UTP20: variants seen among roughly 807,000 people sequenced by gnomAD.
UTP20 encodes the protein small subunit processome component 20 homolog.
UTP20 carries 164 observed loss-of-function variants against 329.5 expected under a neutral mutation model. That is an observed-to-expected ratio of 0.50 (90% CI 0.44 to 0.57). UTP20 has a LOEUF of 0.57. Among genes scored for constraint, UTP20 ranks in the 20% least tolerant of loss-of-function variants. UTP20 has a pLI of 0.00. For synonymous variants in UTP20, 1,151 were observed against 1,159.3 expected, an observed-to-expected ratio of 0.99 and a Z score of 0.14; for missense variants, 3,055 against 3,284.2, an observed-to-expected ratio of 0.93 and a Z score of 1.71.
At chr12:101,337,262 T>TGTCAGTTTGTCAATGCTAAGTCTGTCAG in intron 29 of UTP20, among the ~76,000 whole-genome samples, 1 of 152,254 alleles carries the variant, frequency 6.6e-6, no homozygotes, top group African/African-American at 2.4e-5. Context: ...CTTAGAACTT[T>TGTCAGTTTGTCAATGCTAAGTCTGTCAG]TCTGTCAGTT....
At chr12:101,285,481 C>T in intron 2 of UTP20, 89 bp from the exon 3 acceptor site, 2 of 1,381,258 alleles carry the variant, frequency 1.4e-6, no homozygotes, top group Non-Finnish European at 2.0e-6. Flanking sequence ...GTATCATTGT[C>T]TTAAGATATT....
chr12:101,349,445 C>G (rs1869445400), intron 38 of UTP20, among the ~76,000 whole-genome samples: 1 of 149,332 alleles, frequency 6.7e-6, no homozygotes, highest in African/African-American at 2.5e-5. Context: ...CAGAATTTCA[C>G]TCTGTCACCC....
rs767187398 is a variant in UTP20 at position 101,381,251 on chromosome 12, G to C, written c.7656+40G>C. 4 of 1,559,990 alleles carry C rather than the reference G, an allele frequency of 2.6e-6. No individual in the cohort carries two copies. In the African/African-American group the frequency reaches 5.4e-5, roughly 21 times the overall value. On this transcript the variant is annotated intron_variant, in intron 58 of 61. Coordinates refer to ENST00000261637, the MANE Select transcript of UTP20 (RefSeq NM_014503.3). Reference sequence around the variant, plus strand: ...TCTCCCAGTTTAAAAGAAGGGGCCGGCTGGGCATGGTGGCTCGCGCCTGTA... The same window carrying C: ...TCTCCCAGTTTAAAAGAAGGGGCCGCCTGGGCATGGTGGCTCGCGCCTGTA...
At position 101,349,418 on chromosome 12, in the gene UTP20, C is replaced by CT. The variant is rs775265689; in HGVS notation, c.4885-2625dup. On this transcript the variant is annotated intron_variant, in intron 38 of 61. Transcript: ENST00000261637. ...TTGAAAATTTTCTTTTTTTTTCTTT[C>CT]TTTTTTTTTTTTGAGACAGAATTTC... is the stretch of plus-strand genomic sequence containing the variant. Among the ~76,000 whole-genome samples the CT allele has an allele frequency of 1.2e-3, 168 of 138,630 alleles. 1 individual carries two copies. Among genetic ancestry groups the CT allele is most frequent in the Middle Eastern group, 3.6e-3 (1 of 274 alleles). 90.9% of individuals were successfully genotyped at this position (138,630 alleles called of 152,430 possible).
At chr12:101,370,004 A>G in intron 49 of UTP20, 113 bp downstream of exon 49, 1 of 1,050,544 alleles carries the variant, frequency 9.5e-7, no homozygotes, top group Non-Finnish European at 1.4e-6. Flanking sequence ...ACTTGAGCCT[A>G]AGAGTTCAAG....
At chr12:101,315,735 T>A (rs548918644) in intron 21 of UTP20, among the ~76,000 whole-genome samples, 1 of 152,242 alleles carries the variant, frequency 6.6e-6, no homozygotes, top group Non-Finnish European at 1.5e-5. Flanking sequence ...ATAACACTTA[T>A]CAGTTTTTTG....
In UTP20 at chr12:101,357,097, G is replaced by C. The variant is rs1412982721; in HGVS notation, c.5691+15G>C. The C allele has an allele frequency of 1.9e-6, 3 of 1,597,354 alleles. No individual in the cohort carries two copies. Among genetic ancestry groups the C allele is most frequent in the East Asian group, 4.5e-5 (2 of 44,560 alleles). On this transcript the variant is annotated intron_variant, in intron 43 of 61. Transcript: ENST00000261637. ...GTGGATACCAGGTAAATTGCATCTT[G>C]TGCTTTATATTCAAGTTGTATTGGA... is the stretch of plus-strand genomic sequence containing the variant.
At chr12:101,371,259 C>T (rs2121030211) in intron 51 of UTP20, 91 bp downstream of exon 51, 2 of 909,736 alleles carry the variant, frequency 2.2e-6, no homozygotes, top group Non-Finnish European at 3.3e-6. Flanking sequence ...TTCTGAAGAC[C>T]ACCTTGTGTC....
intron 38 of UTP20, among the ~76,000 whole-genome samples, chr12:101,350,394 T>G (rs747520400): frequency 3.9e-5 from 6 of 152,116 alleles, no homozygotes; most frequent in Non-Finnish European, 5.9e-5. Context: ...TAGTCTCAAG[T>G]GATCCTCCCA....
At chr12:101,370,907 TG>T in intron 50 of UTP20, 150 bp from the exon 51 acceptor site, 1 of 658,576 alleles carries the variant, frequency 1.5e-6, no homozygotes, top group Non-Finnish European at 2.5e-6. Flanking sequence ...AAGGGTTGTG[TG>T]TTCTTTGTGC....
intron 2 of UTP20, among the ~76,000 whole-genome samples, chr12:101,284,859 T>C (rs1871909612): frequency 6.6e-6 from 1 of 152,164 alleles, no homozygotes; most frequent in Non-Finnish European, 1.5e-5. Flanking sequence ...TACAAACATT[T>C]ATAGAGGGTT....
At position 101,375,627 on chromosome 12, in the gene UTP20, A is replaced by C. The variant is rs545303599; in HGVS notation, c.7267A>C (p.Met2423Leu). Reference protein sequence around the residue: ...EIDPENFKDIMEETEEKAADR... With the variant: ...EIDPENFKDILEETEEKAADR... ...TTTACATCCGTCTTGTTTTTAGATCATGGAAGAAACTGAAGAAAAAGCTGC... is the reference window on the plus strand; with the variant it reads ...TTTACATCCGTCTTGTTTTTAGATCCTGGAAGAAACTGAAGAAAAAGCTGC... The change falls in exon 56 of 62, where the codon ATG (methionine) becomes CTG (leucine). Residue 2423 changes from methionine (M) to leucine (L), a missense_variant. Physicochemically the swap from Met to Leu is conservative, Grantham distance 15. Around this residue, in one of 3 missense-constraint regions of UTP20, gnomAD observed 273 missense variants for 363.1 expected, o/e 0.75. Transcript: ENST00000261637. 3.7e-6 allele frequency: 6 copies of C among 1,610,198 alleles called. No homozygotes were observed. In the South Asian group the frequency reaches 6.7e-5, roughly 18 times the overall value.
intron 55 of UTP20, 81 bp downstream of exon 55, chr12:101,375,020 C>T: frequency 1.1e-6 from 1 of 948,748 alleles, no homozygotes; most frequent in South Asian, 1.6e-5. Flanking sequence ...TAGATATCAG[C>T]TTATAGGTTA....
chr12:101,285,813 C>G lies in UTP20; in HGVS notation c.258C>G (p.Asn86Lys). 2 of 1,613,726 alleles carry G rather than the reference C, an allele frequency of 1.2e-6. No individual in the cohort carries two copies. Among genetic ancestry groups the G allele is most frequent in the Non-Finnish European group, 1.7e-6 (2 of 1,179,874 alleles). Residue 86 changes from asparagine (N) to lysine (K), a missense_variant, in exon 4 of 62, where the codon AAC (asparagine) becomes AAG (lysine). Asn to Lys is a moderately conservative substitution (Grantham distance 94). This residue lies in a region of UTP20 where 2,445 missense variants were observed against 2,575.5 expected (regional missense o/e 0.95). Transcript: ENST00000261637. ...QSFNQLVYHQ[N>K]EIVQSLKTHL... ...TCAATCAGTTGGTGTATCACCAAAA[C>G]GAGATAGTTCAGAGTTTGAAGACTC...
intron 60 of UTP20, 129 bp downstream of exon 60, chr12:101,383,798 T>A: frequency 6.0e-6 from 2 of 335,860 alleles, no homozygotes; most frequent in Non-Finnish European, 8.9e-6. Flanking sequence ...ATATATATTT[T>A]AATTATATAT....
chr12:101,317,464 T>C lies in UTP20; in HGVS notation c.2553-14T>C. 6.2e-7 allele frequency: 1 copy of C among 1,612,652 alleles called. No individual in the cohort carries two copies. On this transcript the variant is annotated splice_polypyrimidine_tract_variant and intron_variant, in intron 21 of 61. Coordinates refer to ENST00000261637, the MANE Select transcript of UTP20 (RefSeq NM_014503.3). ...GTTCTTCATCAGTATCCTGTGACTT[T>C]CTTTCCACGGTAGCAATGAGTATTA...
chr12:101,313,789 G>A lies in UTP20; in HGVS notation c.2552+1513G>A, dbSNP rs113232418. Among the ~76,000 whole-genome samples the A allele has an allele frequency of 2.3e-3, 357 of 152,132 alleles. 1 individual carries two copies. The highest frequency in any genetic ancestry group is 8.3e-3 in the African/African-American group (346 of 41,508). On this transcript the variant is annotated intron_variant, in intron 21 of 61. Coordinates refer to ENST00000261637, the MANE Select transcript of UTP20 (RefSeq NM_014503.3). Reference sequence around the variant, plus strand: ...GGACAGAATCAAGGATGTTCCCTAAGGCTTTGGCCTGAGCAACTAGAAGAA... The same window carrying A: ...GGACAGAATCAAGGATGTTCCCTAAAGCTTTGGCCTGAGCAACTAGAAGAA...
chr12:101,321,712 A>G, intron 25 of UTP20, 83 bp downstream of exon 25: 1 of 1,473,394 alleles, frequency 6.8e-7, no homozygotes, highest in Non-Finnish European at 9.1e-7. Context: ...TCTTTCAACA[A>G]CTGTAATAGA....
chr12:101,354,285 G>GAAAAGA (rs72179094), intron 40 of UTP20, among the ~76,000 whole-genome samples: 1,280 of 113,918 alleles, frequency 0.011, 41 homozygotes, highest in African/African-American at 0.032. Flanking sequence ...AAAAAAAAAA[G>GAAAAGA]AAAAGAAATT....
Sources: allele counts gnomAD v4.1 joint callset (sites outside exome capture counted in the v4.1 genomes callset), GRCh38; gene constraint gnomAD v4.1.1; regional missense constraint gnomAD v4.1.1; transcripts MANE v1.5; gene names NCBI Gene and HGNC (gene_info 2026-07-23, HGNC 2026-07-21).